The following JADE3 variants were observed in gnomAD, a reference collection of about 807,000 sequenced individuals.
JADE3 encodes the protein jade family PHD finger 3, also known as protein Jade-3.
Under a neutral mutation model 50.1 loss-of-function variants are expected in JADE3, and 2 were observed. The observed-to-expected ratio is 0.04, with a 90% CI of 0.02 to 0.13. The LOEUF (loss-of-function observed/expected upper bound fraction) is 0.13, where lower values mean the gene tolerates loss of function less well. Ranked by LOEUF, JADE3 falls within the 10% of genes least tolerant of loss-of-function variation. The pLI is 1.00. For synonymous variants in JADE3, 218 were observed against 232.9 expected (o/e 0.94, Z 0.58); for missense variants, 475 against 634.4 (o/e 0.75, Z 2.70).
chrX:46,953,199 TC>T (rs1296742418), intron 1 of JADE3, among the ~76,000 whole-genome samples: 10 of 92,217 alleles, frequency 1.1e-4, no homozygotes, highest in Admixed American at 3.8e-4. Flanking sequence ...CCCAGGGGAT[TC>T]CCCCCCCACC....
intron 6 of JADE3, among the ~76,000 whole-genome samples, chrX:47,028,648 C>G (rs1556366107): frequency 9.0e-6 from 1 of 111,367 alleles, no homozygotes; most frequent in African/African-American, 3.3e-5. Context: ...TACACAAATA[C>G]CGGGAGAGGT....
intron 3 of JADE3, among the ~76,000 whole-genome samples, chrX:46,994,989 C>T (rs1423479445): frequency 1.8e-5 from 2 of 110,592 alleles, no homozygotes; most frequent in African/African-American, 6.6e-5. Context: ...AATCAGTATA[C>T]CAATCCAGGT....
intron 8 of JADE3, among the ~76,000 whole-genome samples, chrX:47,041,035 T>G (rs1442108767): frequency 9.0e-6 from 1 of 111,551 alleles, no homozygotes; most frequent in Non-Finnish European, 1.9e-5. Flanking sequence ...GGAAAAATAT[T>G]TAAAGGAAAA....
intron 1 of JADE3, among the ~76,000 whole-genome samples, chrX:46,946,648 C>G (rs1171948503): frequency 8.9e-6 from 1 of 112,053 alleles, no homozygotes; most frequent in Non-Finnish European, 1.9e-5. Flanking sequence ...ACTGTGATTG[C>G]ATTTTCATAT....
intron 1 of JADE3, among the ~76,000 whole-genome samples, chrX:46,942,502 T>C (rs1223955589): frequency 9.0e-6 from 1 of 111,726 alleles, no homozygotes; most frequent in Non-Finnish European, 1.9e-5. Context: ...TTGTCAAAGA[T>C]CAGATAGTTG....
chrX:46,940,262 T>C (rs1054809229), intron 1 of JADE3, among the ~76,000 whole-genome samples: 2 of 112,168 alleles, frequency 1.8e-5, no homozygotes, highest in Non-Finnish European at 3.8e-5. Context: ...TATTAACATA[T>C]ATTAAACATT....
rs782339639 is a variant in JADE3, at chrX:47,054,342, G to A, written c.1157G>A (p.Ser386Asn). 8.3e-7 allele frequency: 1 copy of A among 1,211,282 alleles called. No individual in the cohort carries two copies. Among genetic ancestry groups the A allele is most frequent in the Non-Finnish European group, 1.1e-6 (1 of 895,422 alleles). ...EYPHHRAKEQSQAKSEKTSLR... is the reference protein window; with the variant it reads ...EYPHHRAKEQNQAKSEKTSLR... ...CCCCACCACAGGGCTAAAGAGCAGA[G>A]CCAGGCCAAAAGTGAGAAAACCAGC... The change falls in exon 9 of 11, where the codon AGC becomes AAC. Residue 386 changes from serine to asparagine, a missense_variant. Around this residue, in one of 6 missense-constraint regions of JADE3, gnomAD observed 81 missense variants for 123.8 expected, o/e 0.65. Coordinates refer to ENST00000614628, the MANE Select transcript of JADE3 (RefSeq NM_014735.5).
At chrX:47,000,486 G>A (rs1928255151) in intron 4 of JADE3, among the ~76,000 whole-genome samples, 1 of 111,536 alleles carries the variant, frequency 9.0e-6, no homozygotes, top group Admixed American at 9.6e-5. Flanking sequence ...AATGTTATCT[G>A]ATAAGTGAGC....
chrX:47,045,622 T>C (rs1323361921), intron 8 of JADE3, among the ~76,000 whole-genome samples: 1 of 112,464 alleles, frequency 8.9e-6, no homozygotes, highest in Non-Finnish European at 1.9e-5. Context: ...TGGAGTATTC[T>C]CAAGGATAGA....
At chrX:46,991,325 C>G (rs1928001509) in intron 3 of JADE3, among the ~76,000 whole-genome samples, 1 of 108,237 alleles carries the variant, frequency 9.2e-6, no homozygotes, top group African/African-American at 3.4e-5. Context: ...CTCAGGTGAT[C>G]CACCCACCTC....
chrX:46,998,419 G>A, intron 4 of JADE3, 142 bp downstream of exon 4: 2 of 494,612 alleles, frequency 4.0e-6, no homozygotes, highest in Non-Finnish European at 6.6e-6. Flanking sequence ...CAGACCAGTG[G>A]CAGATTTTAC....
At chrX:46,972,246 G>T (rs1927513470) in intron 1 of JADE3, among the ~76,000 whole-genome samples, 1 of 111,134 alleles carries the variant, frequency 9.0e-6, no homozygotes. Flanking sequence ...GCCCAGGCTG[G>T]AGTGCAGTGC....
intron 6 of JADE3, among the ~76,000 whole-genome samples, 165 bp from the exon 7 acceptor site, chrX:47,033,456 C>T (rs1269917222): frequency 2.7e-5 from 3 of 111,225 alleles, no homozygotes; most frequent in Admixed American, 9.6e-5. Context: ...CTGGAAGTTG[C>T]TTTTTTGAGT....
chrX:46,960,537 A>G (rs1211471865), intron 1 of JADE3, among the ~76,000 whole-genome samples: 2 of 112,176 alleles, frequency 1.8e-5, no homozygotes, highest in African/African-American at 3.2e-5. Flanking sequence ...CTAGTAGACA[A>G]CATTTCACAT....
At chrX:47,045,991 G>A (rs782729114) in intron 8 of JADE3, among the ~76,000 whole-genome samples, 2 of 110,110 alleles carry the variant, frequency 1.8e-5, no homozygotes, top group Non-Finnish European at 1.9e-5. Flanking sequence ...CTAGAAAAAC[G>A]AGCAAACAAA....
chrX:47,011,069 C>T (rs1341553742), intron 4 of JADE3, among the ~76,000 whole-genome samples: 4 of 111,428 alleles, frequency 3.6e-5, no homozygotes, highest in African/African-American at 9.8e-5. Context: ...TATGACCTCT[C>T]ATAACCTTTA....
At chrX:47,029,532 T>C (rs1928973722) in intron 6 of JADE3, among the ~76,000 whole-genome samples, 2 of 111,933 alleles carry the variant, frequency 1.8e-5, no homozygotes, top group South Asian at 7.4e-4. Flanking sequence ...ATATGTATTT[T>C]AGAAAGATCA....
Position 47,054,288 on chromosome X carries a change from A to G in JADE3, c.1103A>G (p.Asn368Ser). The G allele has an allele frequency of 1.7e-6, 2 of 1,210,082 alleles. No individual in the cohort carries two copies. Residue 368 changes from asparagine (N) to serine (S), a missense_variant, in exon 9 of 11, where the codon AAC becomes AGC. Physicochemically the swap from Asn to Ser is conservative, Grantham distance 46. This residue lies in a region of JADE3 where 81 missense variants were observed against 123.8 expected (regional missense o/e 0.65). Transcript: ENST00000614628. ...TCATATTGCCTCAAGCATAGCCAAA[A>G]CAGGCAGAAACTTGGAGAAGCTGAG... ...FKSYCLKHSQ[N>S]RQKLGEAEYP...
At chrX:46,993,669 A>G (rs1186644616) in intron 3 of JADE3, among the ~76,000 whole-genome samples, 3 of 112,175 alleles carry the variant, frequency 2.7e-5, no homozygotes, top group Non-Finnish European at 5.6e-5. Flanking sequence ...AAGAAACCTG[A>G]GAGTTATTTT....
Sources: allele counts gnomAD v4.1 joint callset (sites outside exome capture counted in the v4.1 genomes callset), GRCh38; gene constraint gnomAD v4.1.1; regional missense constraint gnomAD v4.1.1; transcripts MANE v1.5; gene names NCBI Gene and HGNC (gene_info 2026-07-23, HGNC 2026-07-21).